CNTN4: variants seen among roughly 807,000 people sequenced by gnomAD.
The protein encoded by CNTN4 is contactin 4.
CNTN4 carries 77 observed loss-of-function variants against 122.5 expected under a neutral mutation model. That is an observed-to-expected ratio of 0.63 (90% confidence interval 0.52 to 0.76). CNTN4 has a LOEUF of 0.76. CNTN4 is among the 30% of genes least tolerant of loss of function. The pLI is 0.00. For synonymous variants in CNTN4, 512 were observed against 447.0 expected (o/e 1.15, Z -1.83); for missense variants, 1,256 against 1,259.1 (o/e 1.00, Z 0.04).
intron 4 of CNTN4, among the ~76,000 whole-genome samples, chr3:2,616,958 AC>A (rs1413088863): frequency 1.3e-5 from 2 of 151,658 alleles, no homozygotes; most frequent in Non-Finnish European, 2.9e-5. Flanking sequence ...CTGAAACTGA[AC>A]CCCCTCCTTA....
intron 2 of CNTN4, chr3:2,238,944 C>G (rs1176028967): frequency 7.6e-5 from 11 of 143,990 alleles, no homozygotes; most frequent in African/African-American, 2.8e-4. Flanking sequence ...CCAGGATGGT[C>G]TCGATCTCCT....
intron 2 of CNTN4, among the ~76,000 whole-genome samples, chr3:2,142,366 T>C (rs941574018): frequency 6.6e-6 from 1 of 152,076 alleles, no homozygotes; most frequent in African/African-American, 2.4e-5. Context: ...CCTTTTTTTT[T>C]CTTTCTTTTT....
chr3:3,027,139 G>A (rs1698795233), intron 15 of CNTN4, among the ~76,000 whole-genome samples: 1 of 152,166 alleles, frequency 6.6e-6, no homozygotes, highest in Non-Finnish European at 1.5e-5. Flanking sequence ...GATATAGTGA[G>A]AGCATATTTT....
At chr3:2,647,268 C>T (rs1383401753) in intron 4 of CNTN4, among the ~76,000 whole-genome samples, 1 of 152,066 alleles carries the variant, frequency 6.6e-6, no homozygotes, top group Non-Finnish European at 1.5e-5. Flanking sequence ...GTAATCCCAG[C>T]TACTCAGGAG....
rs79871792 is a variant in CNTN4 at position 2,387,239 on chromosome 3, A to T, written c.-89+48006A>T. Among the ~76,000 whole-genome samples, 1,291 of 152,312 alleles carry T rather than the reference A, an allele frequency of 8.5e-3. 20 individuals are homozygous for T. The highest frequency in any genetic ancestry group is 8.6e-3 in the Non-Finnish European group (587 of 68,012). ...CAGTCTATTTTGCTGTATATCTCTT[A>T]AAAATGCTTTTGGTAATGCAAGGGT... On this transcript the variant is annotated intron_variant, in intron 3 of 24. Coordinates refer to ENST00000418658, the MANE Select transcript of CNTN4 (RefSeq NM_175607.3).
chr3:2,271,275 G>A (rs1482048616), intron 2 of CNTN4, among the ~76,000 whole-genome samples: 1 of 152,106 alleles, frequency 6.6e-6, no homozygotes, highest in East Asian at 1.9e-4. Flanking sequence ...AGGAGAGAGT[G>A]GAGTGTAATG....
intron 2 of CNTN4, among the ~76,000 whole-genome samples, chr3:2,152,352 C>T (rs1220746098): frequency 6.6e-6 from 1 of 152,158 alleles, no homozygotes; most frequent in Non-Finnish European, 1.5e-5. Context: ...TTGTAAACCA[C>T]TGTCAGGACT....
chr3:2,860,426 G>C (rs113621716), intron 7 of CNTN4, among the ~76,000 whole-genome samples: 1 of 152,132 alleles, frequency 6.6e-6, no homozygotes, highest in Non-Finnish European at 1.5e-5. Flanking sequence ...TCTGAACCCT[G>C]GATGGTCCTG....
intron 4 of CNTN4, among the ~76,000 whole-genome samples, chr3:2,731,305 C>T (rs1408539478): frequency 6.6e-6 from 1 of 151,700 alleles, no homozygotes; most frequent in Non-Finnish European, 1.5e-5. Context: ...TTCTCCCTTC[C>T]CTTTATGAAG....
Position 2,841,433 on chromosome 3 carries a change from G to A in CNTN4, c.454+21852G>A, listed in dbSNP as rs1020097773. Among the ~76,000 whole-genome samples, 1 of 152,072 alleles carries A rather than the reference G, an allele frequency of 6.6e-6. No homozygotes were observed. Among genetic ancestry groups the A allele is most frequent in the Non-Finnish European group, 1.5e-5 (1 of 68,008 alleles). On this transcript the variant is annotated intron_variant, in intron 7 of 24. Coordinates refer to ENST00000418658, the MANE Select transcript of CNTN4 (RefSeq NM_175607.3). The surrounding 1 kb of genome is among the most constrained non-coding windows in gnomAD (Gnocchi z 4.8). ...ATGTGGTACATTTACAAATAAAAGA[G>A]GATTAGGATTATTTTCATTTTAATA...
intron 6 of CNTN4, among the ~76,000 whole-genome samples, chr3:2,790,703 A>G (rs2091981449): frequency 6.6e-6 from 1 of 152,202 alleles, no homozygotes; most frequent in South Asian, 2.1e-4. Context: ...GATGTCTGTC[A>G]TAGACCTATC....
chr3:2,215,959 A>C (rs2038822144), intron 2 of CNTN4, among the ~76,000 whole-genome samples: 1 of 151,754 alleles, frequency 6.6e-6, no homozygotes, highest in African/African-American at 2.4e-5. Flanking sequence ...TAGTTCAACC[A>C]TTGTGAAAAG....
chr3:2,921,284 G>A (rs553797774), intron 12 of CNTN4, among the ~76,000 whole-genome samples: 50 of 152,152 alleles, frequency 3.3e-4, no homozygotes, highest in Non-Finnish European at 5.1e-4. Context: ...TGATCCTCCC[G>A]CCTTGGCCTC....
chr3:2,386,219 T>C (rs879470958), intron 3 of CNTN4, among the ~76,000 whole-genome samples: 2 of 152,166 alleles, frequency 1.3e-5, no homozygotes, highest in African/African-American at 2.4e-5. Context: ...ATTCAAACTC[T>C]GAATTCAAAC....
intron 3 of CNTN4, among the ~76,000 whole-genome samples, chr3:2,518,931 T>A (rs1302081353): frequency 6.6e-6 from 1 of 152,068 alleles, no homozygotes; most frequent in East Asian, 1.9e-4. Context: ...AAAACCTAAG[T>A]GCTTCTATAT....
chr3:2,299,555 TTTATA>T (rs2042431087), intron 2 of CNTN4, among the ~76,000 whole-genome samples: 1 of 152,122 alleles, frequency 6.6e-6, no homozygotes. Context: ...TCCCTATAAT[TTTATA>T]TTATTTTTAT....
intron 2 of CNTN4, among the ~76,000 whole-genome samples, chr3:2,200,568 C>T (rs1470168608): frequency 6.6e-6 from 1 of 152,116 alleles, no homozygotes; most frequent in Non-Finnish European, 1.5e-5. Flanking sequence ...AATGATCTAG[C>T]CCAAAGGTCA....
intron 6 of CNTN4, among the ~76,000 whole-genome samples, chr3:2,757,352 G>T (rs1036415788): frequency 1.3e-5 from 2 of 152,138 alleles, no homozygotes; most frequent in African/African-American, 4.8e-5. Context: ...TTGAAGTGAT[G>T]CGGAGTAGTT....
chr3:2,957,565 T>C (rs1280893575), intron 13 of CNTN4, among the ~76,000 whole-genome samples: 5 of 152,252 alleles, frequency 3.3e-5, no homozygotes, highest in East Asian at 3.9e-4. Context: ...TAGCACCTAA[T>C]AGGTAGTTTT....
Sources: gnomAD v4.1 joint callset for allele counts (sites outside exome capture counted in the v4.1 genomes callset) on GRCh38, gnomAD v4.1.1 for gene constraint, Gnocchi (gnomAD v3.1) non-coding constraint, MANE v1.5 for transcripts, NCBI Gene and HGNC (gene_info 2026-07-23, HGNC 2026-07-21) for gene names.